JPH1: variants seen among roughly 807,000 people sequenced by gnomAD.
JPH1 encodes junctophilin-1.
A neutral mutation model predicts 53.6 loss-of-function variants in JPH1; 12 were observed. The ratio of observed to expected loss-of-function variants is 0.22; its 90% CI spans 0.14 to 0.36. The LOEUF (loss-of-function observed/expected upper bound fraction) is 0.36, where lower values mean the gene tolerates loss of function less well. Among genes scored for constraint, JPH1 ranks in the 10% least tolerant of loss-of-function variants. The probability of loss-of-function intolerance (pLI) is 1.00; values close to 1 mark genes in which losing one functional copy is unlikely to be tolerated. For synonymous variants in JPH1, 375 were observed against 363.8 expected, an observed-to-expected ratio of 1.03 and a Z score of -0.35; for missense variants, 808 against 905.5, an observed-to-expected ratio of 0.89 and a Z score of 1.38.
At chr8:74,308,957 G>A (rs574993863) in intron 2 of JPH1, among the ~76,000 whole-genome samples, 1 of 152,190 alleles carries the variant, frequency 6.6e-6, no homozygotes, top group African/African-American at 2.4e-5. Context: ...ATGAGGAATG[G>A]TTTTTTAAAA....
At chr8:74,248,416 C>A (rs1805929025) in intron 3 of JPH1, among the ~76,000 whole-genome samples, 1 of 152,080 alleles carries the variant, frequency 6.6e-6, no homozygotes, top group Admixed American at 6.6e-5. Context: ...GGTGTTATGG[C>A]CAGATATTTT....
intron 4 of JPH1, among the ~76,000 whole-genome samples, chr8:74,241,384 A>T (rs1433104163): frequency 1.3e-5 from 2 of 152,180 alleles, no homozygotes; most frequent in Non-Finnish European, 2.9e-5. Context: ...TAAAATAGCA[A>T]AATGAAAAAA....
rs145792669 is a variant in JPH1, at chr8:74,313,555, T to TAA, written c.1139+1304_1139+1305dup. On this transcript the variant is annotated intron_variant, in intron 2 of 5. Coordinates refer to ENST00000342232, the MANE Select transcript of JPH1 (RefSeq NM_020647.4). ...CTACTTATTTTTTAAGTAGAGGAATTAAAAAAAAAAGAACTCTAGAAGTAC... is the reference window on the plus strand; with the variant it reads ...CTACTTATTTTTTAAGTAGAGGAATTAAAAAAAAAAAAGAACTCTAGAAGTAC... 9.0e-3 allele frequency among the ~76,000 whole-genome samples: 1,332 copies of TAA among 148,108 alleles called. 11 individuals are homozygous for TAA. Among genetic ancestry groups the TAA allele is most frequent in the Non-Finnish European group, 0.014 (970 of 66,962 alleles).
intron 2 of JPH1, among the ~76,000 whole-genome samples, chr8:74,289,567 A>T (rs141992893): frequency 1.3e-5 from 2 of 151,662 alleles, no homozygotes; most frequent in Non-Finnish European, 2.9e-5. Context: ...TACTTAGCAC[A>T]CTCTCTCCCC....
Position 74,321,126 on chromosome 8 carries a change from C to T in JPH1, c.162G>A (p.Trp54Ter). ...AGCCCTGGTAGGTGTTGCCGCTGGG[C>T]CAGGTGTAGCCTCCGACCACCTCGA... ...HGFEVVGGYT[W>*]PSGNTYQGYW... Residue 54 changes from tryptophan (W) to a stop codon, truncating the protein, a stop_gained, in exon 1 of 6, where the codon TGG becomes TGA. Transcript: ENST00000342232. LOFTEE classifies it high-confidence loss of function. The surrounding 1 kb of genome is among the most constrained non-coding windows in gnomAD (Gnocchi z 4.3). 2 of 1,613,552 alleles carry T rather than the reference C, an allele frequency of 1.2e-6. No homozygotes were observed. The highest frequency in any genetic ancestry group is 1.7e-6 in the Non-Finnish European group (2 of 1,179,808).
intron 2 of JPH1, among the ~76,000 whole-genome samples, chr8:74,303,771 A>G (rs1211229177): frequency 6.6e-6 from 1 of 152,048 alleles, no homozygotes. Context: ...ATCTGTCTCC[A>G]GTTTCACTGC....
intron 2 of JPH1, among the ~76,000 whole-genome samples, chr8:74,285,707 G>A (rs765369838): frequency 2.0e-5 from 3 of 152,178 alleles, no homozygotes; most frequent in African/African-American, 7.2e-5. Context: ...GGGATATTAT[G>A]TAATCTGCAT....
intron 2 of JPH1, among the ~76,000 whole-genome samples, chr8:74,261,323 A>G (rs1806389711): frequency 6.6e-6 from 1 of 152,090 alleles, no homozygotes; most frequent in Non-Finnish European, 1.5e-5. Context: ...ATAATAGGGG[A>G]TATTGTGTGT....
chr8:74,298,057 C>A (rs1372321875), intron 2 of JPH1, among the ~76,000 whole-genome samples: 1 of 152,192 alleles, frequency 6.6e-6, no homozygotes, highest in African/African-American at 2.4e-5. Context: ...ACTCACTTTC[C>A]TAATAATTGC....
At chr8:74,240,536 T>C (rs1805664538) in intron 4 of JPH1, among the ~76,000 whole-genome samples, 1 of 152,198 alleles carries the variant, frequency 6.6e-6, no homozygotes. Flanking sequence ...CCTGGCTTCT[T>C]TCACTTCACA....
chr8:74,305,394 C>T (rs962559019), intron 2 of JPH1, among the ~76,000 whole-genome samples: 4 of 152,200 alleles, frequency 2.6e-5, no homozygotes, highest in Non-Finnish European at 5.9e-5. Context: ...ACAAAGCATA[C>T]AGGATAAAAT....
chr8:74,238,470 C>T (rs1805606515), intron 4 of JPH1, among the ~76,000 whole-genome samples: 1 of 152,120 alleles, frequency 6.6e-6, no homozygotes, highest in African/African-American at 2.4e-5. Flanking sequence ...GCGTTTCACA[C>T]TTGATTATCC....
chr8:74,244,752 T>C lies in JPH1; in HGVS notation c.1682A>G (p.Gln561Arg). The C allele has an allele frequency of 1.2e-6, 2 of 1,614,130 alleles. No individual in the cohort carries two copies. The highest frequency in any genetic ancestry group is 1.1e-5 in the South Asian group (1 of 91,076). Reference protein sequence around the residue: ...HGYYVKLNAPQHPPVDVEDGD... With the variant: ...HGYYVKLNAPRHPPVDVEDGD... ...GTCCTCCACGTCTACTGGAGGGTGC[T>C]GGGGGGCGTTCAGCTTCACGTAGTA... The change falls in exon 4 of 6, where the codon CAG becomes CGG. Residue 561 changes from glutamine to arginine, a missense_variant. This residue lies in a region of JPH1 where 756 missense variants were observed against 811.9 expected (regional missense o/e 0.93). Coordinates refer to ENST00000342232, the MANE Select transcript of JPH1 (RefSeq NM_020647.4).
chr8:74,313,453 C>A (rs934784657), intron 2 of JPH1, among the ~76,000 whole-genome samples: 2 of 151,432 alleles, frequency 1.3e-5, no homozygotes, highest in African/African-American at 2.4e-5. Flanking sequence ...AAGATGAAAA[C>A]CTTGAAGACT....
chr8:74,237,349 T>C (rs1214698899), intron 4 of JPH1, 46 bp from the exon 5 acceptor site: 3 of 1,420,488 alleles, frequency 2.1e-6, no homozygotes, highest in Non-Finnish European at 3.0e-6. Flanking sequence ...TCCATGTTAA[T>C]ATCAAGATAT....
chr8:74,246,395 C>T (rs1413917182), intron 3 of JPH1, among the ~76,000 whole-genome samples: 2 of 152,194 alleles, frequency 1.3e-5, no homozygotes, highest in Non-Finnish European at 2.9e-5. Context: ...AGGGACTGAA[C>T]AGCAATTATC....
intron 2 of JPH1, among the ~76,000 whole-genome samples, chr8:74,291,760 A>G (rs968357611): frequency 6.6e-6 from 1 of 152,256 alleles, no homozygotes; most frequent in Non-Finnish European, 1.5e-5. Context: ...ACAATAGCAA[A>G]GACTTGGAAC....
intron 1 of JPH1, among the ~76,000 whole-genome samples, chr8:74,318,157 C>T (rs1808214504): frequency 6.6e-6 from 1 of 152,166 alleles, no homozygotes; most frequent in African/African-American, 2.4e-5. Context: ...TCCAACTTCT[C>T]CCTGCTGCTC....
In JPH1 at chr8:74,308,809, C is replaced by A. The variant is rs551211030; in HGVS notation, c.1139+6052G>T. Among the ~76,000 whole-genome samples, 127 of 152,136 alleles carry A rather than the reference C, an allele frequency of 8.3e-4. 2 individuals carry two copies. Among genetic ancestry groups the A allele is most frequent in the Non-Finnish European group, 1.1e-3 (75 of 68,024 alleles). On this transcript the variant is annotated intron_variant, in intron 2 of 5. Transcript: ENST00000342232. ...AGTGAGGACCCAGCAGCCTGAGGAG[C>A]CAGCCAGAGGGAGCAGGGACAGGGG...
Sources: allele counts gnomAD v4.1 joint callset (sites outside exome capture counted in the v4.1 genomes callset), GRCh38; gene constraint gnomAD v4.1.1; regional missense constraint gnomAD v4.1.1; non-coding constraint Gnocchi (gnomAD v3.1); transcripts MANE v1.5; gene names NCBI Gene and HGNC (gene_info 2026-07-23, HGNC 2026-07-21).